LHFPL3: variants seen among roughly 807,000 people sequenced by gnomAD.
LHFPL3 encodes the protein LHFPL tetraspan subfamily member 3.
A neutral mutation model predicts 19.3 loss-of-function variants in LHFPL3; 5 were observed. That is an observed-to-expected ratio of 0.26 (90% CI 0.14 to 0.54). The LOEUF (loss-of-function observed/expected upper bound fraction) is 0.54. LHFPL3 is among the 20% of genes least tolerant of loss of function. The probability of loss-of-function intolerance (pLI) is 0.94; values close to 1 mark genes in which losing one functional copy is unlikely to be tolerated. For synonymous variants in LHFPL3, 133 were observed against 126.2 expected (o/e 1.05, Z -0.36); for missense variants, 249 against 307.4 (o/e 0.81, Z 1.42).
intron 1 of LHFPL3, among the ~76,000 whole-genome samples, chr7:104,697,724 G>A (rs1385486803): frequency 2.0e-5 from 3 of 152,152 alleles, no homozygotes; most frequent in Non-Finnish European, 4.4e-5. Context: ...TTATAATTGA[G>A]TTTTACCCTA....
At chr7:104,605,954 C>T (rs968573741) in intron 1 of LHFPL3, among the ~76,000 whole-genome samples, 5 of 151,512 alleles carry the variant, frequency 3.3e-5, no homozygotes, top group African/African-American at 9.7e-5. Context: ...TTATTGCATA[C>T]GTTTGAGGTT....
chr7:104,875,026 T>C (rs1016195414), intron 2 of LHFPL3, among the ~76,000 whole-genome samples: 14 of 151,728 alleles, frequency 9.2e-5, no homozygotes, highest in African/African-American at 3.4e-4. Context: ...TATTTTTTTT[T>C]TTAGAGAGAT....
chr7:104,622,462 C>T (rs983629455), intron 1 of LHFPL3, among the ~76,000 whole-genome samples: 4 of 152,148 alleles, frequency 2.6e-5, no homozygotes, highest in Admixed American at 2.6e-4. Context: ...ATTCACATAC[C>T]ATAAAACTGA....
chr7:104,557,859 T>C (rs867845494), intron 1 of LHFPL3, among the ~76,000 whole-genome samples: 3 of 148,250 alleles, frequency 2.0e-5, no homozygotes, highest in Non-Finnish European at 3.0e-5. Flanking sequence ...CCCCAGAGTG[T>C]GATATTCCCC....
chr7:104,605,889 G>A (rs1002620846), intron 1 of LHFPL3, among the ~76,000 whole-genome samples: 1 of 149,136 alleles, frequency 6.7e-6, no homozygotes. Context: ...AAAACAACAA[G>A]AAATATTGAA....
chr7:104,845,609 C>G, intron 2 of LHFPL3: 2 of 310,788 alleles, frequency 6.4e-6, no homozygotes, highest in Non-Finnish European at 9.4e-6. Flanking sequence ...TATATTTTTA[C>G]TTCTCTCTCC....
chr7:104,844,573 TTCTC>T (rs750393444), intron 2 of LHFPL3, among the ~76,000 whole-genome samples: 18 of 152,210 alleles, frequency 1.2e-4, no homozygotes, highest in East Asian at 1.9e-4. Context: ...GCATCTAAAA[TTCTC>T]TCTAAGTCCT....
intron 1 of LHFPL3, among the ~76,000 whole-genome samples, chr7:104,570,575 A>G (rs982436335): frequency 6.6e-6 from 1 of 152,228 alleles, no homozygotes; most frequent in East Asian, 1.9e-4. Flanking sequence ...CAAATTCTCT[A>G]TCTGAAGCAA....
At chr7:104,780,017 C>T (rs971109074) in intron 2 of LHFPL3, among the ~76,000 whole-genome samples, 1 of 152,184 alleles carries the variant, frequency 6.6e-6, no homozygotes, top group African/African-American at 2.4e-5. Context: ...GAGAGACAAT[C>T]ATTTACAAAA....
intron 1 of LHFPL3, among the ~76,000 whole-genome samples, chr7:104,611,288 A>C (rs1253536214): frequency 1.3e-5 from 2 of 152,208 alleles, no homozygotes; most frequent in Non-Finnish European, 2.9e-5. Context: ...CAAATAAGAA[A>C]ATTGAGACTT....
chr7:104,415,075 T>C (rs1185035353), intron 1 of LHFPL3, among the ~76,000 whole-genome samples: 1 of 152,230 alleles, frequency 6.6e-6, no homozygotes, highest in African/African-American at 2.4e-5. Context: ...TTTAAGAGGA[T>C]AACTTTTTAA....
In LHFPL3 at chr7:104,686,093, T is replaced by C. The variant is rs375384242; in HGVS notation, c.446-50582T>C. On this transcript the variant is annotated intron_variant, in intron 1 of 2. Transcript: ENST00000424859. Reference sequence around the variant, plus strand: ...ACTATAAATAATCTGAGCAAAGCACTATCAGGGAGTGAGGATGGTTGAAGG... The same window carrying C: ...ACTATAAATAATCTGAGCAAAGCACCATCAGGGAGTGAGGATGGTTGAAGG... Among the ~76,000 whole-genome samples the C allele has an allele frequency of 2.6e-5, 4 of 152,326 alleles. No homozygotes were observed. In the South Asian group the frequency reaches 8.3e-4, roughly 32 times the overall value.
chr7:104,856,240 ATTTTTTTTT>A (rs750683276), intron 2 of LHFPL3, among the ~76,000 whole-genome samples: 3 of 68,872 alleles, frequency 4.4e-5, no homozygotes, highest in Non-Finnish European at 5.2e-5. Context: ...GTCCCAGGAA[ATTTTTTTTT>A]TTTTTTTTTT....
At chr7:104,859,192 A>C (rs540847559) in intron 2 of LHFPL3, among the ~76,000 whole-genome samples, 22 of 151,578 alleles carry the variant, frequency 1.5e-4, no homozygotes, top group Admixed American at 3.3e-4. Context: ...ACTTGAACCC[A>C]GGAAGTGGAG....
intron 2 of LHFPL3, among the ~76,000 whole-genome samples, chr7:104,900,691 T>A (rs1792465759): frequency 6.6e-6 from 1 of 152,168 alleles, no homozygotes; most frequent in African/African-American, 2.4e-5. Context: ...TCAACATCTG[T>A]AAACACGTGG....
chr7:104,670,211 T>C (rs1370011495), intron 1 of LHFPL3, among the ~76,000 whole-genome samples: 2 of 151,800 alleles, frequency 1.3e-5, no homozygotes, highest in Non-Finnish European at 1.5e-5. Context: ...ATGGGACTCA[T>C]TGGACCAAAA....
At chr7:104,805,279 C>G (rs1372801485) in intron 2 of LHFPL3, among the ~76,000 whole-genome samples, 3 of 152,200 alleles carry the variant, frequency 2.0e-5, no homozygotes, top group Non-Finnish European at 4.4e-5. Context: ...TTAAGTTCAA[C>G]TACTTAGGGG....
At chr7:104,430,405 C>CAT (rs1465027136) in intron 1 of LHFPL3, among the ~76,000 whole-genome samples, 25 of 22,432 alleles carry the variant, frequency 1.1e-3, no homozygotes, top group Admixed American at 2.2e-3. Flanking sequence ...TATATATATA[C>CAT]ATATATATAT....
rs550939789 is a variant in LHFPL3, at chr7:104,687,484, G to T, written c.446-49191G>T. On this transcript the variant is annotated intron_variant, in intron 1 of 2. Transcript: ENST00000424859. Reference sequence around the variant, plus strand: ...TGGAGGTAGGGGGCTGGAGCCAAAAGTTCCAACTCTCTAATCATGCTTTGG... The same window carrying T: ...TGGAGGTAGGGGGCTGGAGCCAAAATTTCCAACTCTCTAATCATGCTTTGG... Among the ~76,000 whole-genome samples, 34 of 152,326 alleles carry T rather than the reference G, an allele frequency of 2.2e-4. 1 individual carries two copies. The highest frequency in any genetic ancestry group is 8.3e-4 in the South Asian group (4 of 4,826).
Sources: allele counts gnomAD v4.1 joint callset (sites outside exome capture counted in the v4.1 genomes callset), GRCh38; gene constraint gnomAD v4.1.1; transcripts MANE v1.5; gene names NCBI Gene and HGNC (gene_info 2026-07-23, HGNC 2026-07-21).